Variants in PCDHGB1 observed in about 807,000 individuals in gnomAD.
The protein encoded by PCDHGB1 is protocadherin gamma-B1.
PCDHGB1 carries 34 observed loss-of-function variants against 56.6 expected under a neutral mutation model. That is an observed-to-expected ratio of 0.60 (90% CI 0.46 to 0.80). The LOEUF is 0.80. Ranked by LOEUF, PCDHGB1 falls within the 30% of genes least tolerant of loss-of-function variation. The pLI is 0.00. For missense variants in PCDHGB1, 1,278 were observed against 1,204.6 expected, an observed-to-expected ratio of 1.06 and a Z score of -0.90; for synonymous variants, 561 against 505.9, an observed-to-expected ratio of 1.11 and a Z score of -1.46.
At chr5:141,458,081 GTAAGT>G (rs2098936973) in intron 1 of PCDHGB1, among the ~76,000 whole-genome samples, 1 of 152,186 alleles carries the variant, frequency 6.6e-6, no homozygotes, top group Non-Finnish European at 1.5e-5. Context: ...CTATATTGCC[GTAAGT>G]TAAGAGTACT....
In PCDHGB1 at chr5:141,476,928, T is replaced by C. The variant is rs1279715094; in HGVS notation, c.2410-17879T>C. 6.2e-7 allele frequency: 1 copy of C among 1,614,142 alleles called. No individual in the cohort carries two copies. The highest frequency in any genetic ancestry group is 2.2e-5 in the East Asian group (1 of 44,868). On this transcript the variant is annotated intron_variant, in intron 1 of 3. Transcript: ENST00000523390. This position sits in a 1 kb window ranked among gnomAD's most constrained non-coding sequence, Gnocchi z 7.6. ...GTGGTACAAGTCCTTGCAACGGATC[T>C]GGATGAAGGCCCCAACGGTGAAATT...
chr5:141,393,428 G>A (rs1043256482), intron 1 of PCDHGB1: 2 of 1,614,042 alleles, frequency 1.2e-6, no homozygotes, highest in Admixed American at 1.7e-5. Flanking sequence ...GGGAGGAAGA[G>A]GCTGCTCACC....
chr5:141,394,580 C>G, intron 1 of PCDHGB1: 1 of 1,613,914 alleles, frequency 6.2e-7, no homozygotes, highest in Non-Finnish European at 8.5e-7. Flanking sequence ...ACCTGGTGAC[C>G]AAGGTGGTGG....
rs771608897 is a variant in PCDHGB1, at chr5:141,490,857, C to T, written c.2410-3950C>T. 58 of 1,613,714 alleles carry T rather than the reference C, an allele frequency of 3.6e-5. 1 individual carries two copies. The highest frequency in any genetic ancestry group is 1.8e-4 in the Admixed American group (11 of 59,992). Reference sequence around the variant, plus strand: ...AGATTGTGGTGGGGGTTCGAGACTCCGGCTCTCCCCCATTGCATGCCAACA... The same window carrying T: ...AGATTGTGGTGGGGGTTCGAGACTCTGGCTCTCCCCCATTGCATGCCAACA... On this transcript the variant is annotated intron_variant, in intron 1 of 3. Transcript: ENST00000523390. The surrounding 1 kb of genome is among the most constrained non-coding windows in gnomAD (Gnocchi z 5.4).
At chr5:141,423,800 T>A in intron 1 of PCDHGB1, 2 of 895,132 alleles carry the variant, frequency 2.2e-6, no homozygotes, top group Non-Finnish European at 2.9e-6. Flanking sequence ...TTTAGAGCAA[T>A]ACATGTGAGT....
intron 1 of PCDHGB1, chr5:141,389,882 G>A: frequency 6.2e-7 from 1 of 1,614,082 alleles, no homozygotes; most frequent in Non-Finnish European, 8.5e-7. Flanking sequence ...CCGACAGCTT[G>A]CAGGAGGTGC....
chr5:141,400,314 CAA>C (rs1443669567), intron 1 of PCDHGB1: 1 of 1,613,960 alleles, frequency 6.2e-7, no homozygotes, highest in Non-Finnish European at 8.5e-7. Context: ...GTCTCTGTGT[CAA>C]GTCTGGACCT....
Position 141,419,737 on chromosome 5 carries a change from G to A in PCDHGB1, c.2409+67068G>A, listed in dbSNP as rs201663350. 29 of 1,613,836 alleles carry A rather than the reference G, an allele frequency of 1.8e-5. No individual in the cohort carries two copies. In the African/African-American group the frequency reaches 3.6e-4, roughly 20 times the overall value. ...GCCTGGGGCTGCGAACAGGCGAGGTGCGCATGGTGCGTGCTTTGGGTGACA... is the reference window on the plus strand; with the variant it reads ...GCCTGGGGCTGCGAACAGGCGAGGTACGCATGGTGCGTGCTTTGGGTGACA... On this transcript the variant is annotated intron_variant, in intron 1 of 3. Transcript: ENST00000523390.
chr5:141,367,752 C>G (rs1039897453), intron 1 of PCDHGB1: 1 of 152,068 alleles, frequency 6.6e-6, no homozygotes, highest in African/African-American at 2.4e-5. Context: ...GAGTTACATA[C>G]TGCTGCACTC....
chr5:141,415,293 C>G, intron 1 of PCDHGB1: 1 of 1,614,192 alleles, frequency 6.2e-7, no homozygotes, highest in Non-Finnish European at 8.5e-7. Flanking sequence ...CGGTCTCCTG[C>G]GTCTTCCTGG....
intron 1 of PCDHGB1, chr5:141,400,515 T>A: frequency 6.2e-7 from 1 of 1,613,988 alleles, no homozygotes. Flanking sequence ...CGACTTCCCA[T>A]CCTGAGTTGG....
intron 1 of PCDHGB1, chr5:141,371,039 G>T (rs1233349729): frequency 6.2e-6 from 10 of 1,613,966 alleles, no homozygotes; most frequent in Non-Finnish European, 8.5e-6. Flanking sequence ...TCACAGCTGT[G>T]GATGGGGGCG....
intron 1 of PCDHGB1, among the ~76,000 whole-genome samples, chr5:141,420,701 T>C (rs371823252): frequency 7.2e-5 from 11 of 152,226 alleles, no homozygotes; most frequent in Admixed American, 5.9e-4. Flanking sequence ...TATTTCCACT[T>C]CCAGAAATGT....
chr5:141,368,344 T>C (rs1052881289), intron 1 of PCDHGB1, among the ~76,000 whole-genome samples: 5 of 152,060 alleles, frequency 3.3e-5, no homozygotes, highest in African/African-American at 7.2e-5. Context: ...TATATACATA[T>C]ACACACACAT....
In PCDHGB1 at chr5:141,365,440, C is replaced by A. The variant is rs1454096579; in HGVS notation, c.2409+12771C>A. On this transcript the variant is annotated intron_variant, in intron 1 of 3. Transcript: ENST00000523390. Reference sequence around the variant, plus strand: ...CCGGAACTGTAATCGCGCTGTTTAGCGTACATGATGGTGATTCTGGAGAAA... The same window carrying A: ...CCGGAACTGTAATCGCGCTGTTTAGAGTACATGATGGTGATTCTGGAGAAA... 5.0e-6 allele frequency: 8 copies of A among 1,613,836 alleles called. No homozygotes were observed. The Admixed American group carries it at 6.7e-5, about 13-fold the overall frequency.
chr5:141,371,551 T>A (rs1561551438), intron 1 of PCDHGB1: 1 of 1,613,704 alleles, frequency 6.2e-7, no homozygotes, highest in Non-Finnish European at 8.5e-7. Context: ...CTATGCCAAC[T>A]AAAAGGAAAC....
rs141873183 is a variant in PCDHGB1 at position 141,511,011 on chromosome 5, C to T, written c.2622C>T (p.Tyr874=). The T allele has an allele frequency of 1.5e-5, 24 of 1,614,082 alleles. No individual in the cohort carries two copies. Among genetic ancestry groups the T allele is most frequent in the Middle Eastern group, 1.6e-4 (1 of 6,084 alleles). Residue 874 remains tyrosine (Y), a synonymous_variant, in exon 4 of 4, where the codon TAC becomes TAT. Transcript: ENST00000523390. ...GAGTMGLSAR[Y]GPQFTLQHVP... The stretch of plus-strand genomic sequence containing the variant: ...GCACCATGGGATTGAGCGCCCGCTA[C>T]GGACCCCAGTTCACCCTGCAGCACG...
chr5:141,368,410 C>T (rs1471418854), intron 1 of PCDHGB1, among the ~76,000 whole-genome samples: 1 of 152,086 alleles, frequency 6.6e-6, no homozygotes, highest in African/African-American at 2.4e-5. Context: ...CATACATACA[C>T]ACATGGACAT....
intron 1 of PCDHGB1, chr5:141,409,355 A>G (rs778227478): frequency 6.2e-7 from 1 of 1,614,032 alleles, no homozygotes; most frequent in South Asian, 1.1e-5. Flanking sequence ...AGTCAGGTGT[A>G]ATATAGAAAC....
Sources: gnomAD v4.1 joint callset for allele counts (sites outside exome capture counted in the v4.1 genomes callset) on GRCh38, gnomAD v4.1.1 for gene constraint, Gnocchi (gnomAD v3.1) non-coding constraint, MANE v1.5 for transcripts, NCBI Gene and HGNC (gene_info 2026-07-23, HGNC 2026-07-21) for gene names.